Variants in NTM observed in about 807,000 individuals in gnomAD.
NTM encodes the protein IgLON family member 2.
In NTM, 13 loss-of-function variants were observed where a neutral mutation model predicts 42.1. The observed-to-expected ratio is 0.31, with a 90% CI of 0.20 to 0.49. The LOEUF (loss-of-function observed/expected upper bound fraction) is 0.49, where lower values mean the gene tolerates loss of function less well. NTM is among the 20% of genes least tolerant of loss of function. The pLI is 0.99. For synonymous variants in NTM, 187 were observed against 179.2 expected (o/e 1.04, Z -0.35); for missense variants, 373 against 452.8 (o/e 0.82, Z 1.60).
At chr11:131,976,144 C>CTTCCT (rs1332279534) in intron 2 of NTM, among the ~76,000 whole-genome samples, 10 of 149,688 alleles carry the variant, frequency 6.7e-5, no homozygotes, top group Non-Finnish European at 1.3e-4. Context: ...TCCTTCCTTC[C>CTTCCT]TTCCTTCCTT....
Position 132,180,445 on chromosome 11 carries a change from A to G in NTM, c.401-31577A>G, listed in dbSNP as rs576940896. Among the ~76,000 whole-genome samples, 366 of 152,326 alleles carry G rather than the reference A, an allele frequency of 2.4e-3. 1 individual carries two copies. The highest frequency in any genetic ancestry group is 8.5e-3 in the African/African-American group (353 of 41,588). On this transcript the variant is annotated intron_variant, in intron 3 of 8. Coordinates refer to ENST00000683400, the MANE Select transcript of NTM (RefSeq NM_001352005.2). The stretch of plus-strand genomic sequence containing the variant: ...CAAAATGGGAAAAAAAGGCACTTCA[A>G]TCCTTAAAAGAAAAGGACAAATGAT...
chr11:131,382,960 A>C (rs548311402), intron 1 of NTM, among the ~76,000 whole-genome samples: 293 of 152,140 alleles, frequency 1.9e-3, no homozygotes, highest in Non-Finnish European at 3.0e-3. Context: ...TTGAGGCTGT[A>C]TTTGTTCCTC....
chr11:131,853,668 G>A (rs2045816212), intron 1 of NTM, among the ~76,000 whole-genome samples: 1 of 152,180 alleles, frequency 6.6e-6, no homozygotes, highest in Non-Finnish European at 1.5e-5. Flanking sequence ...TTGGTTCCAT[G>A]TCTTTGCTAT....
At chr11:131,903,758 C>G (rs1236352442) in intron 1 of NTM, among the ~76,000 whole-genome samples, 1 of 152,172 alleles carries the variant, frequency 6.6e-6, no homozygotes, top group African/African-American at 2.4e-5. Flanking sequence ...AGGAAGAGAG[C>G]AGAGCTATTC....
chr11:132,335,032 T>G lies in NTM; in HGVS notation c.968-14T>G. 6.2e-7 allele frequency: 1 copy of G among 1,610,490 alleles called. No homozygotes were observed. Among genetic ancestry groups the G allele is most frequent in the Non-Finnish European group, 8.5e-7 (1 of 1,179,366 alleles). On this transcript the variant is annotated splice_polypyrimidine_tract_variant and intron_variant, in intron 8 of 8. Coordinates refer to ENST00000683400, the MANE Select transcript of NTM (RefSeq NM_001352005.2). ...TCTCCCAGACCACTCACGGCGAGTG[T>G]GTTCTCTCCACAGGTCCAGGCGCCG... is the stretch of plus-strand genomic sequence containing the variant.
rs117285754 is a variant in NTM at position 131,669,575 on chromosome 11, G to T, written c.83-241989G>T. On this transcript the variant is annotated intron_variant, in intron 1 of 8. Transcript: ENST00000683400. ...GAGGCTACCTTGTTGCACAGGTGAGGGGGGAGGGCAACGTCACTCAGCAAT... is the reference window on the plus strand; with the variant it reads ...GAGGCTACCTTGTTGCACAGGTGAGTGGGGAGGGCAACGTCACTCAGCAAT... Among the ~76,000 whole-genome samples the T allele has an allele frequency of 7.5e-3, 1,135 of 152,254 alleles. 8 individuals carry two copies. The highest frequency in any genetic ancestry group is 0.012 in the Non-Finnish European group (813 of 68,020).
intron 4 of NTM, among the ~76,000 whole-genome samples, chr11:132,255,314 C>T (rs1022761891): frequency 1.3e-5 from 2 of 152,158 alleles, no homozygotes; most frequent in East Asian, 3.9e-4. Context: ...ATCCAAACTT[C>T]TTTCTCTCCT....
At position 131,761,809 on chromosome 11, in the gene NTM, CAATAAATAAATAAATA is replaced by C. The variant is rs200691057; in HGVS notation, c.83-149717_83-149702del. 3.9e-3 allele frequency among the ~76,000 whole-genome samples: 538 copies of C among 139,250 alleles called. 9 individuals carry two copies. Among genetic ancestry groups the C allele is most frequent in the Admixed American group, 0.019 (259 of 13,870 alleles). The allele number at this position is 139,250 out of a possible 152,430, so 91.4% of individuals were successfully genotyped here. Reference sequence around the variant, plus strand: ...GGGCAATAAGAGCGAAACTCTGTCTCAATAAATAAATAAATAAATAAATAAATAAATAAATAAATAA... The same window carrying C: ...GGGCAATAAGAGCGAAACTCTGTCTCAATAAATAAATAAATAAATAAATAA... On this transcript the variant is annotated intron_variant, in intron 1 of 8. Coordinates refer to ENST00000683400, the MANE Select transcript of NTM (RefSeq NM_001352005.2).
At chr11:132,184,849 G>A (rs762367136) in intron 3 of NTM, among the ~76,000 whole-genome samples, 1 of 152,194 alleles carries the variant, frequency 6.6e-6, no homozygotes, top group Non-Finnish European at 1.5e-5. Context: ...CCATGTCATT[G>A]TGAACCTATG....
chr11:132,249,113 C>T (rs982952005), intron 4 of NTM, among the ~76,000 whole-genome samples: 1 of 152,174 alleles, frequency 6.6e-6, no homozygotes, highest in African/African-American at 2.4e-5. Flanking sequence ...GTGATTTTGG[C>T]CTTGTCTTTT....
chr11:131,975,529 A>G (rs2064196916), intron 2 of NTM, among the ~76,000 whole-genome samples: 1 of 149,920 alleles, frequency 6.7e-6, no homozygotes, highest in South Asian at 2.2e-4. Flanking sequence ...AAGCCTTAAA[A>G]TGTTAGGGGA....
At chr11:131,698,696 C>T (rs537856119) in intron 1 of NTM, among the ~76,000 whole-genome samples, 4 of 152,312 alleles carry the variant, frequency 2.6e-5, no homozygotes, top group South Asian at 2.1e-4. Context: ...ATGGCGAGTT[C>T]GCATCAAAGT....
rs189580287 is a variant in NTM at position 131,935,175 on chromosome 11, C to T, written c.167+23527C>T. 8.5e-5 allele frequency among the ~76,000 whole-genome samples: 13 copies of T among 152,220 alleles called. No individual in the cohort carries two copies. In the East Asian group the frequency reaches 1.4e-3, roughly 16 times the overall value. ...TTACTGACTGCAGTGCTTATATTCT[C>T]GGCTACCTTAAAGTAACAGAGTAAC... is the stretch of plus-strand genomic sequence containing the variant. On this transcript the variant is annotated intron_variant, in intron 2 of 8. Transcript: ENST00000683400.
At chr11:132,245,490 A>G (rs894177865) in intron 4 of NTM, among the ~76,000 whole-genome samples, 1 of 152,108 alleles carries the variant, frequency 6.6e-6, no homozygotes, top group Non-Finnish European at 1.5e-5. Flanking sequence ...TATTAGAAAG[A>G]GCAAGCGGAG....
At chr11:131,545,071 C>A (rs940546496) in intron 1 of NTM, among the ~76,000 whole-genome samples, 1 of 152,168 alleles carries the variant, frequency 6.6e-6, no homozygotes, top group South Asian at 2.1e-4. Context: ...CACTGCAATT[C>A]AGGTAATATT....
chr11:131,784,087 C>T (rs965292813), intron 1 of NTM, among the ~76,000 whole-genome samples: 5 of 152,082 alleles, frequency 3.3e-5, no homozygotes, highest in African/African-American at 4.8e-5. Context: ...CCACAATGAA[C>T]GCCTCTTCCC....
intron 1 of NTM, among the ~76,000 whole-genome samples, chr11:131,853,789 CT>C (rs2045829042): frequency 6.6e-6 from 1 of 152,224 alleles, no homozygotes; most frequent in African/African-American, 2.4e-5. Context: ...AGTGATATTT[CT>C]GCCTCTAGGT....
chr11:131,874,041 ATATATATATAT>A (rs2048232067), intron 1 of NTM, among the ~76,000 whole-genome samples: 1 of 26,226 alleles, frequency 3.8e-5, no homozygotes, highest in African/African-American at 1.2e-4. Flanking sequence ...ATATATATAT[ATATATATATAT>A]ATATATATAT....
At chr11:132,169,320 C>CTGTTTTTTTTTTTTTTTTTTTTTT (rs2075775223) in intron 3 of NTM, among the ~76,000 whole-genome samples, 2 of 32,358 alleles carry the variant, frequency 6.2e-5, no homozygotes, top group Non-Finnish European at 1.1e-4. Flanking sequence ...AATTTTTTTA[C>CTGTTTTTTTTTTTTTTTTTTTTTT]TTTTTTTTTT....
Sources: gnomAD v4.1 joint callset for allele counts (sites outside exome capture counted in the v4.1 genomes callset) on GRCh38, gnomAD v4.1.1 for gene constraint, MANE v1.5 for transcripts, NCBI Gene and HGNC (gene_info 2026-07-23, HGNC 2026-07-21) for gene names.